The following LINGO1 variants were observed in gnomAD, a reference collection of about 807,000 sequenced individuals.
The protein encoded by LINGO1 is leucine-rich repeat and immunoglobulin-like domain-containing nogo receptor-interacting protein 1.
In LINGO1, 11 loss-of-function variants were observed where a neutral mutation model predicts 37.3. The observed-to-expected ratio is 0.29, with a 90% CI of 0.19 to 0.49. LINGO1 has a LOEUF of 0.49. LINGO1 is among the 20% of genes least tolerant of loss of function. The pLI is 0.99. For missense variants in LINGO1, 585 were observed against 878.2 expected, an observed-to-expected ratio of 0.67 and a Z score of 4.22; for synonymous variants, 387 against 403.0, an observed-to-expected ratio of 0.96 and a Z score of 0.48.
chr15:77,711,763 G>T (rs993721621), intron 2 of LINGO1, among the ~76,000 whole-genome samples: 1 of 152,154 alleles, frequency 6.6e-6, no homozygotes, highest in Non-Finnish European at 1.5e-5. Flanking sequence ...GGCAACAGGC[G>T]GCTCTGGAAT....
At chr15:77,658,666 A>C (rs2074921136) in intron 3 of LINGO1, among the ~76,000 whole-genome samples, 1 of 152,246 alleles carries the variant, frequency 6.6e-6, no homozygotes, top group African/African-American at 2.4e-5. Flanking sequence ...TTTGTCTGGG[A>C]ATGTCTGCTT....
chr15:77,624,478 A>C (rs978784320), intron 1 of LINGO1, among the ~76,000 whole-genome samples: 1 of 152,188 alleles, frequency 6.6e-6, no homozygotes, highest in Non-Finnish European at 1.5e-5. Context: ...CACCTCACCA[A>C]GGCACAGCCA....
chr15:77,715,088 C>T lies in LINGO1; in HGVS notation c.-195+19904G>A, dbSNP rs542818954. On this transcript the variant is annotated intron_variant, in intron 2 of 3. Transcript: ENST00000561686. ...CACTGAGCTCTTGGGTCTGAGCCCA[C>T]CTGAGCTTGGCCAGCCTACTCTGCA... is the stretch of plus-strand genomic sequence containing the variant. Among the ~76,000 whole-genome samples the T allele has an allele frequency of 2.6e-5, 4 of 152,316 alleles. No homozygotes were observed. The South Asian group carries it at 8.3e-4, about 32-fold the overall frequency.
rs1027816351 is a variant in LINGO1 at position 77,632,620 on chromosome 15, C to A, written c.-305G>T. The A allele has an allele frequency of 6.7e-6, 1 of 148,572 alleles. No homozygotes were observed. The highest frequency in any genetic ancestry group is 6.7e-5 in the Admixed American group (1 of 14,818). The allele number at this position is 148,572 out of a possible 1,614,324, so 9.2% of individuals were successfully genotyped here. ...GGGCTGCGCGAGCCTGCTTCTGCCC[C>A]CTGGGCCGGCCCGGAGCCGCCGCCG... On this transcript the variant is annotated 5_prime_UTR_variant, in exon 1 of 2. Transcript: ENST00000355300. This position sits in a 1 kb window ranked among gnomAD's most constrained non-coding sequence, Gnocchi z 6.0.
intron 2 of LINGO1, chr15:77,690,676 A>G (rs1596113159): frequency 6.6e-6 from 1 of 152,246 alleles, no homozygotes; most frequent in East Asian, 1.9e-4. Context: ...AGGCTTGGGT[A>G]TCTCCAGGAG....
chr15:77,670,319 T>G (rs2075225483), intron 3 of LINGO1, among the ~76,000 whole-genome samples: 1 of 152,244 alleles, frequency 6.6e-6, no homozygotes, highest in African/African-American at 2.4e-5. Flanking sequence ...CACTGAACTG[T>G]ATGCTTTAAA....
intron 2 of LINGO1, among the ~76,000 whole-genome samples, chr15:77,713,740 G>C (rs2075949747): frequency 6.6e-6 from 1 of 152,168 alleles, no homozygotes; most frequent in South Asian, 2.1e-4. Flanking sequence ...GCGAGGCTGG[G>C]TAAAGGTATA....
upstream of LINGO1, among the ~76,000 whole-genome samples, chr15:77,699,202 C>T (rs565975897): frequency 1.1e-4 from 17 of 151,860 alleles, no homozygotes; most frequent in East Asian, 3.3e-3. Context: ...TTTCCCTGGG[C>T]CCCACTCTCT....
chr15:77,775,004 T>A, intron 1 of LINGO1, among the ~76,000 whole-genome samples: 1 of 152,152 alleles, frequency 6.6e-6, no homozygotes, highest in East Asian at 1.9e-4. Flanking sequence ...AGAACCCACG[T>A]CTCACGTCGC....
chr15:77,781,191 C>T (rs759796439), intron 1 of LINGO1, among the ~76,000 whole-genome samples: 2 of 152,212 alleles, frequency 1.3e-5, no homozygotes, highest in East Asian at 1.9e-4. Context: ...AAAGTCCAGC[C>T]GGTTCCCTGA....
chr15:77,676,786 G>A (rs770119165), intron 3 of LINGO1, among the ~76,000 whole-genome samples: 19 of 152,220 alleles, frequency 1.2e-4, no homozygotes, highest in Non-Finnish European at 2.6e-4. Flanking sequence ...GTGAGCATAG[G>A]ACAGCAACGC....
intron 2 of LINGO1, among the ~76,000 whole-genome samples, chr15:77,703,860 G>C (rs900617982): frequency 3.3e-5 from 5 of 152,122 alleles, no homozygotes; most frequent in Admixed American, 3.3e-4. Flanking sequence ...TTTGGCTTAA[G>C]TAAGGCTGAA....
At chr15:77,748,255 G>A (rs944920633) in intron 1 of LINGO1, among the ~76,000 whole-genome samples, 18 of 152,194 alleles carry the variant, frequency 1.2e-4, no homozygotes, top group African/African-American at 3.6e-4. Flanking sequence ...TGACTATGCC[G>A]TCCTCCTCCT....
At chr15:77,624,107 T>C (rs2074015686) in intron 1 of LINGO1, among the ~76,000 whole-genome samples, 1 of 146,342 alleles carries the variant, frequency 6.8e-6, no homozygotes, top group Non-Finnish European at 1.5e-5. Context: ...TGTGTGTGTG[T>C]GGAGTGCGAG....
At chr15:77,711,168 A>G (rs1795069682) in intron 2 of LINGO1, among the ~76,000 whole-genome samples, 1 of 152,156 alleles carries the variant, frequency 6.6e-6, no homozygotes, top group South Asian at 2.1e-4. Context: ...TTGCCACCAC[A>G]GTCCCTGGAT....
chr15:77,786,238 G>A (rs1386600790), intron 1 of LINGO1, among the ~76,000 whole-genome samples: 4 of 152,084 alleles, frequency 2.6e-5, no homozygotes, highest in Admixed American at 6.5e-5. Context: ...ACCCCTCAGG[G>A]AGGTTAGTAT....
At chr15:77,628,590 G>A (rs1245167475) in intron 1 of LINGO1, among the ~76,000 whole-genome samples, 2 of 152,182 alleles carry the variant, frequency 1.3e-5, no homozygotes, top group African/African-American at 4.8e-5. Context: ...TTGAAAAAGA[G>A]GCAACGGGAC....
intron 1 of LINGO1, among the ~76,000 whole-genome samples, chr15:77,766,297 C>CAAAAAAAA (rs71447163): frequency 3.5e-4 from 17 of 49,038 alleles, no homozygotes; most frequent in African/African-American, 1.2e-3. Flanking sequence ...GACCCTGTCT[C>CAAAAAAAA]AAAAAAAAAA....
chr15:77,679,141 T>C (rs1339429735), intron 2 of LINGO1, among the ~76,000 whole-genome samples: 3 of 152,178 alleles, frequency 2.0e-5, no homozygotes, highest in African/African-American at 4.8e-5. Flanking sequence ...CCTTAGGTGA[T>C]CCACCCACGT....
Sources: allele counts gnomAD v4.1 joint callset (sites outside exome capture counted in the v4.1 genomes callset), GRCh38; gene constraint gnomAD v4.1.1; non-coding constraint Gnocchi (gnomAD v3.1); transcripts MANE v1.5; gene names NCBI Gene and HGNC (gene_info 2026-07-23, HGNC 2026-07-21).